Variants in FRMPD4 observed in about 807,000 individuals in gnomAD.
FRMPD4 encodes the protein FERM and PDZ domain-containing protein 4.
FRMPD4 carries 22 observed loss-of-function variants against 94.1 expected under a neutral mutation model. The ratio of observed to expected loss-of-function variants is 0.23; its 90% CI spans 0.17 to 0.33. The LOEUF (loss-of-function observed/expected upper bound fraction) is 0.33, where lower values mean the gene tolerates loss of function less well. Ranked by LOEUF, FRMPD4 falls within the 10% of genes least tolerant of loss-of-function variation. The pLI is 1.00. For missense variants in FRMPD4, 1,111 were observed against 1,339.9 expected, an observed-to-expected ratio of 0.83 and a Z score of 2.67; for synonymous variants, 631 against 548.6, an observed-to-expected ratio of 1.15 and a Z score of -2.10.
chrX:11,839,759 T>C (rs1438902614), intron 1 of FRMPD4, among the ~76,000 whole-genome samples: 1 of 111,514 alleles, frequency 9.0e-6, no homozygotes, highest in African/African-American at 3.3e-5. Flanking sequence ...TTTCTTTCTT[T>C]CTTTTTTCTT....
chrX:11,865,214 C>T (rs2053711593), exon 2 of FRMPD4, among the ~76,000 whole-genome samples: 1 of 111,964 alleles, frequency 8.9e-6, no homozygotes, highest in Non-Finnish European at 1.9e-5. Context: ...TTGAAATATA[C>T]AGGTAAGTGG....
chrX:12,388,929 A>G (rs1486289684), intron 1 of FRMPD4, among the ~76,000 whole-genome samples: 1 of 105,474 alleles, frequency 9.5e-6, no homozygotes, highest in African/African-American at 3.5e-5. Context: ...GAATGGGAGA[A>G]CACTATGCTA....
At chrX:12,423,380 G>A (rs923982313) in intron 1 of FRMPD4, among the ~76,000 whole-genome samples, 1 of 111,896 alleles carries the variant, frequency 8.9e-6, no homozygotes, top group African/African-American at 3.3e-5. Context: ...ACCCTAAATC[G>A]TAGTTCCTCC....
chrX:12,605,193 T>G (rs1348222669), intron 2 of FRMPD4, among the ~76,000 whole-genome samples: 1 of 112,114 alleles, frequency 8.9e-6, no homozygotes, highest in Non-Finnish European at 1.9e-5. Context: ...ATTTATTTGT[T>G]TCTTGTACAA....
rs191460574 is a variant in FRMPD4, at chrX:12,564,627, T to C, written c.159-45094T>C. On this transcript the variant is annotated intron_variant, in intron 2 of 16. Transcript: ENST00000675598. Reference sequence around the variant, plus strand: ...AGTGAACTTTATACTCAGTAAGTCATTGGAATTGTAATCAATAAGCAGGAT... The same window carrying C: ...AGTGAACTTTATACTCAGTAAGTCACTGGAATTGTAATCAATAAGCAGGAT... 1.3e-4 allele frequency among the ~76,000 whole-genome samples: 15 copies of C among 111,991 alleles called. No homozygotes were observed. In the East Asian group the frequency reaches 4.2e-3, roughly 31 times the overall value.
chrX:12,646,745 T>C (rs1464141154), intron 4 of FRMPD4, among the ~76,000 whole-genome samples: 1 of 112,646 alleles, frequency 8.9e-6, no homozygotes, highest in South Asian at 3.7e-4. Context: ...ATATCATCTC[T>C]ATTCCTTGCC....
intron 2 of FRMPD4, among the ~76,000 whole-genome samples, chrX:12,564,904 A>T (rs1439902742): frequency 9.0e-6 from 1 of 111,114 alleles, no homozygotes; most frequent in Non-Finnish European, 1.9e-5. Context: ...CTCAGTGGCC[A>T]AACTTGGAAA....
At position 12,720,107 on chromosome X, in the gene FRMPD4, G is replaced by GA. The variant is rs1453229172; in HGVS notation, c.3965-424dup. Among the ~76,000 whole-genome samples the GA allele has an allele frequency of 1.9e-4, 21 of 110,110 alleles. No individual in the cohort carries two copies. The South Asian group carries it at 5.1e-3, about 27-fold the overall frequency. On this transcript the variant is annotated intron_variant, in intron 16 of 16. Transcript: ENST00000675598. ...GAGAAAGAAAGAAAGGAGGAAGAAA[G>GA]AAAGAAAAGAAAAGAAAAGTAACAA...
chrX:12,179,239 A>G (rs1472934901), intron 1 of FRMPD4, among the ~76,000 whole-genome samples: 2 of 110,902 alleles, frequency 1.8e-5, no homozygotes, highest in East Asian at 5.7e-4. Flanking sequence ...GTCTCTTAAG[A>G]CCTAGCTTTG....
At chrX:12,660,437 C>G (rs2059702513) in intron 4 of FRMPD4, among the ~76,000 whole-genome samples, 1 of 111,788 alleles carries the variant, frequency 8.9e-6, no homozygotes, top group South Asian at 3.7e-4. Flanking sequence ...AAATCCCACT[C>G]TGAGCAGTAA....
chrX:11,845,908 C>G (rs1429529600), intron 1 of FRMPD4, among the ~76,000 whole-genome samples: 184 of 107,398 alleles, frequency 1.7e-3, no homozygotes, highest in African/African-American at 6.0e-3. Context: ...CTATGACAAA[C>G]CCACAGCCAA....
chrX:12,526,702 T>C (rs1450330377), intron 2 of FRMPD4, among the ~76,000 whole-genome samples: 1 of 112,389 alleles, frequency 8.9e-6, no homozygotes. Context: ...ATCGTGGAAA[T>C]TGTAATTCTT....
At chrX:12,275,195 G>A (rs771910037) in intron 1 of FRMPD4, among the ~76,000 whole-genome samples, 21 of 110,713 alleles carry the variant, frequency 1.9e-4, no homozygotes, top group Non-Finnish European at 3.8e-4. Flanking sequence ...TTGAGATAGT[G>A]AGTGAGTTCT....
chrX:12,714,922 A>G (rs1343075653), intron 14 of FRMPD4, among the ~76,000 whole-genome samples: 1 of 112,589 alleles, frequency 8.9e-6, no homozygotes, highest in Non-Finnish European at 1.9e-5. Flanking sequence ...AAAATACATG[A>G]ATTTATTAAA....
At chrX:12,630,725 A>G (rs1473093958) in intron 4 of FRMPD4, among the ~76,000 whole-genome samples, 1 of 111,992 alleles carries the variant, frequency 8.9e-6, no homozygotes, top group Non-Finnish European at 1.9e-5. Context: ...AGGGATTTAC[A>G]CCTTGCTTAT....
At chrX:12,006,306 A>C (rs2054553957) in intron 3 of FRMPD4, among the ~76,000 whole-genome samples, 1 of 112,640 alleles carries the variant, frequency 8.9e-6, no homozygotes, top group Admixed American at 9.4e-5. Context: ...TCTGGCTTAG[A>C]TATGTACAAA....
chrX:11,839,694 A>G (rs2053522417), intron 1 of FRMPD4, among the ~76,000 whole-genome samples: 1 of 111,650 alleles, frequency 9.0e-6, no homozygotes, highest in Non-Finnish European at 1.9e-5. Flanking sequence ...GGTCTAGGAT[A>G]TACTCTGAGT....
chrX:12,000,658 A>G lies in FRMPD4; in HGVS notation c.95+122640A>G, dbSNP rs192650010. On this transcript the variant is annotated intron_variant, in intron 3 of 18. Coordinates refer to the FRMPD4 transcript ENST00000640291. The stretch of plus-strand genomic sequence containing the variant: ...CTTCCCTCTCCCTTCTTCAGTTTAC[A>G]ATCATACTTTTCCAGACTGAACTCA... Among the ~76,000 whole-genome samples, 67 of 111,283 alleles carry G rather than the reference A, an allele frequency of 6.0e-4. No homozygotes were observed. The East Asian group carries it at 0.018, about 30-fold the overall frequency.
At chrX:12,391,667 C>G (rs972028492) in intron 1 of FRMPD4, among the ~76,000 whole-genome samples, 2 of 111,516 alleles carry the variant, frequency 1.8e-5, no homozygotes, top group African/African-American at 6.5e-5. Context: ...CACCACGACT[C>G]TGTCCTCCCT....
Sources: gnomAD v4.1 joint callset for allele counts (sites outside exome capture counted in the v4.1 genomes callset) on GRCh38, gnomAD v4.1.1 for gene constraint, MANE v1.5 for transcripts, NCBI Gene and HGNC (gene_info 2026-07-23, HGNC 2026-07-21) for gene names.